The following COL12A1 variants were observed in gnomAD, a reference collection of about 807,000 sequenced individuals.
COL12A1 encodes the protein collagen type XII alpha 1 chain.
A neutral mutation model predicts 349.7 loss-of-function variants in COL12A1; 114 were observed. The observed-to-expected ratio is 0.33, with a 90% CI of 0.28 to 0.38. The LOEUF (loss-of-function observed/expected upper bound fraction) is 0.38. Ranked by LOEUF, COL12A1 falls within the 10% of genes least tolerant of loss-of-function variation. COL12A1 has a pLI of 1.00. For synonymous variants in COL12A1, 1,369 were observed against 1,329.0 expected (o/e 1.03, Z -0.66); for missense variants, 3,284 against 3,756.9 (o/e 0.87, Z 3.29).
rs1769431999 is a variant in COL12A1, at chr6:75,183,416, T to C, written c.1525A>G (p.Thr509Ala). The C allele has an allele frequency of 1.2e-6, 2 of 1,614,112 alleles. No individual in the cohort carries two copies. Among genetic ancestry groups the C allele is most frequent in the Admixed American group, 1.7e-5 (1 of 60,000 alleles). Residue 509 changes from threonine to alanine, a missense_variant, in exon 10 of 66, where the codon ACC becomes GCC. Transcript: ENST00000322507. ...GTAGATCCTCCTCTGTAAGGGAAGG[T>C]GTTTATTGCTTCAATTATATCTTCA... ...KVEDIIEAIN[T>A]FPYRGGSTNT... is the part of the protein sequence containing the mutation.
At chr6:75,186,295 A>G (rs895597099) in intron 8 of COL12A1, among the ~76,000 whole-genome samples, 2 of 152,208 alleles carry the variant, frequency 1.3e-5, no homozygotes, top group African/African-American at 4.8e-5. Context: ...ACCCCATTTA[A>G]AAGTGGGCAA....
chr6:75,148,282 AT>A, intron 22 of COL12A1, 75 bp downstream of exon 22: 1 of 1,444,206 alleles, frequency 6.9e-7, no homozygotes, highest in Non-Finnish European at 9.4e-7. Flanking sequence ...CTCACCTAAC[AT>A]TATTCTCAGA....
chr6:75,113,753 T>G lies in COL12A1; in HGVS notation c.7698-9A>C. 1 of 1,540,766 alleles carries G rather than the reference T, an allele frequency of 6.5e-7. No homozygotes were observed. Among genetic ancestry groups the G allele is most frequent in the Non-Finnish European group, 8.8e-7 (1 of 1,142,712 alleles). ...CATTTGGGTGTAGGTCTCTGTTGGATAAAACAAAAGAAAGAAAAAGGAGAG... is the reference window on the plus strand; with the variant it reads ...CATTTGGGTGTAGGTCTCTGTTGGAGAAAACAAAAGAAAGAAAAAGGAGAG... On this transcript the variant is annotated splice_polypyrimidine_tract_variant and intron_variant, in intron 49 of 65. Coordinates refer to ENST00000322507, the MANE Select transcript of COL12A1 (RefSeq NM_004370.6).
chr6:75,100,810 A>AAACTAG (rs1768271483), intron 58 of COL12A1, among the ~76,000 whole-genome samples: 1 of 152,198 alleles, frequency 6.6e-6, no homozygotes, highest in South Asian at 2.1e-4. Context: ...CTAGTCATAT[A>AAACTAG]TTTTAACTTG....
intron 60 of COL12A1, among the ~76,000 whole-genome samples, chr6:75,092,508 A>G (rs1289778030): frequency 6.6e-6 from 1 of 152,164 alleles, no homozygotes; most frequent in Non-Finnish European, 1.5e-5. Flanking sequence ...GAGTGCAACA[A>G]GTTTTTGTCT....
At chr6:75,119,494 G>T (rs758531148) in intron 44 of COL12A1, 21 bp from the exon 45 acceptor site, 2 of 1,597,312 alleles carry the variant, frequency 1.3e-6, no homozygotes, top group Non-Finnish European at 1.7e-6. Context: ...ATGTGATTTG[G>T]CAGTGAGCAT....
Position 75,091,409 on chromosome 6 carries a change from T to A in COL12A1, c.8686-20A>T. On this transcript the variant is annotated intron_variant, in intron 61 of 65. Coordinates refer to ENST00000322507, the MANE Select transcript of COL12A1 (RefSeq NM_004370.6). ...GTCTCCCTTGTTGAATTAATGAGAA[T>A]GATTAGCATATTAGTTCTATAGTTT... 1 of 1,613,190 alleles carries A rather than the reference T, an allele frequency of 6.2e-7. No individual in the cohort carries two copies. Among genetic ancestry groups the A allele is most frequent in the East Asian group, 2.2e-5 (1 of 44,822 alleles).
At chr6:75,160,941 CTA>C (rs1223611379) in intron 14 of COL12A1, among the ~76,000 whole-genome samples, 1 of 152,104 alleles carries the variant, frequency 6.6e-6, no homozygotes, top group African/African-American at 2.4e-5. Context: ...TATGTGTGAG[CTA>C]TATACACATT....
chr6:75,138,429 T>A lies in COL12A1; in HGVS notation c.5230+19A>T, dbSNP rs777086917. ...TAACTTTAAAATATCAATGTCCTATTTGAAAGCTAAACACCTACGTGTGCG... is the reference window on the plus strand; with the variant it reads ...TAACTTTAAAATATCAATGTCCTATATGAAAGCTAAACACCTACGTGTGCG... On this transcript the variant is annotated intron_variant, in intron 29 of 65. Transcript: ENST00000322507. 1.9e-6 allele frequency: 3 copies of A among 1,610,238 alleles called. No individual in the cohort carries two copies. Among genetic ancestry groups the A allele is most frequent in the Non-Finnish European group, 1.7e-6 (2 of 1,178,900 alleles).
intron 33 of COL12A1, among the ~76,000 whole-genome samples, 171 bp from the exon 34 acceptor site, chr6:75,133,593 A>G (rs1766422741): frequency 6.6e-6 from 1 of 152,108 alleles, no homozygotes; most frequent in African/African-American, 2.4e-5. Flanking sequence ...ATATTTCCCT[A>G]TACCCCTCCA....
chr6:75,203,003 G>A (rs1438118372), intron 1 of COL12A1, among the ~76,000 whole-genome samples, 176 bp from the exon 2 acceptor site: 1 of 152,222 alleles, frequency 6.6e-6, no homozygotes, highest in East Asian at 1.9e-4. Context: ...TTCGTCTACA[G>A]AAGTTTAATC....
Position 75,148,440 on chromosome 6 carries a change from C to T in COL12A1, c.4205G>A (p.Arg1402Lys). The T allele has an allele frequency of 6.2e-7, 1 of 1,613,550 alleles. No individual in the cohort carries two copies. Among genetic ancestry groups the T allele is most frequent in the Non-Finnish European group, 8.5e-7 (1 of 1,179,586 alleles). Reference protein sequence around the residue: ...VISERTHRSFRVSWTPPSDSV... With the variant: ...VISERTHRSFKVSWTPPSDSV... ...GTCAGAAGGTGGTGTCCAGCTCACT[C>T]TAAAAGAACGATGGGTTCGCTCAGA... The change falls in exon 22 of 66, where the codon AGA (arginine) becomes AAA (lysine). Residue 1402 changes from arginine to lysine, a missense_variant. By Grantham distance (26) the Arg-to-Lys change is conservative. This residue lies in a region of COL12A1 where 2,601 missense variants were observed against 2,824.8 expected (regional missense o/e 0.92). Transcript: ENST00000322507.
At chr6:75,087,392 A>G in intron 65 of COL12A1, 185 bp downstream of exon 65, 1 of 555,536 alleles carries the variant, frequency 1.8e-6, no homozygotes, top group Non-Finnish European at 3.0e-6. Context: ...AAAATAATTC[A>G]ATCCTAACAG....
At chr6:75,108,575 G>A (rs568250898) in intron 52 of COL12A1, among the ~76,000 whole-genome samples, 2 of 152,178 alleles carry the variant, frequency 1.3e-5, no homozygotes, top group East Asian at 1.9e-4. Context: ...ACAGGCAGCC[G>A]AATGGCTCCT....
At chr6:75,148,926 A>G (rs2149411551) in intron 21 of COL12A1, among the ~76,000 whole-genome samples, 1 of 152,060 alleles carries the variant, frequency 6.6e-6, no homozygotes, top group Admixed American at 6.5e-5. Flanking sequence ...CCCCCATACT[A>G]CTCTAGTGGT....
chr6:75,123,876 T>G, intron 42 of COL12A1, 72 bp downstream of exon 42: 1 of 1,483,944 alleles, frequency 6.7e-7, no homozygotes, highest in Non-Finnish European at 9.1e-7. Context: ...CAGGATTCAC[T>G]TAAGTCTTCC....
chr6:75,099,457 A>G (rs1291664361), intron 58 of COL12A1, among the ~76,000 whole-genome samples: 2 of 152,190 alleles, frequency 1.3e-5, no homozygotes, highest in Non-Finnish European at 2.9e-5. Context: ...TTTATCGTAA[A>G]TATTGTATTT....
At position 75,183,541 on chromosome 6, in the gene COL12A1, A is replaced by G; in HGVS notation, c.1400T>C (p.Val467Ala). ...VKVRAFLEVL[V>A]KSFEISPNRV... ...ATTTGGTGAAATTTCAAAACTTTTT[A>G]CAAGAACTTCCAAAAAGGCTCTAAC... The change falls in exon 10 of 66, where the codon GTA (valine) becomes GCA (alanine). Residue 467 changes from valine (V) to alanine (A), a missense_variant. Val to Ala is a moderately conservative substitution (Grantham distance 64, BLOSUM62 0). Transcript: ENST00000322507. The G allele has an allele frequency of 6.2e-7, 1 of 1,614,180 alleles. No homozygotes were observed. The highest frequency in any genetic ancestry group is 8.5e-7 in the Non-Finnish European group (1 of 1,180,016).
At position 75,183,064 on chromosome 6, in the gene COL12A1, G is replaced by T; in HGVS notation, c.1877C>A (p.Ala626Asp). Reference protein sequence around the residue: ...ICLRIEQELAAIKKKAYVPPK... With the variant: ...ICLRIEQELADIKKKAYVPPK... ...AGTCTACTAACCTTTCTTCTTTATA[G>T]CTGCCAATTCTTGCTCAATTCTAAG... The change falls in exon 10 of 66, where the codon GCT (alanine) becomes GAT (aspartate). Residue 626 changes from alanine to aspartate, a missense_variant. Transcript: ENST00000322507. The T allele has an allele frequency of 6.2e-7, 1 of 1,604,406 alleles. No homozygotes were observed. The highest frequency in any genetic ancestry group is 1.3e-5 in the African/African-American group (1 of 74,516).
Sources: allele counts gnomAD v4.1 joint callset (sites outside exome capture counted in the v4.1 genomes callset), GRCh38; gene constraint gnomAD v4.1.1; regional missense constraint gnomAD v4.1.1; transcripts MANE v1.5; gene names NCBI Gene and HGNC (gene_info 2026-07-23, HGNC 2026-07-21).